The following KCNAB1 variants were observed in gnomAD, a reference collection of about 807,000 sequenced individuals.
KCNAB1 encodes the protein voltage-gated potassium channel subunit beta-1.
A neutral mutation model predicts 64.6 loss-of-function variants in KCNAB1; 35 were observed. The ratio of observed to expected loss-of-function variants is 0.54; its 90% CI spans 0.41 to 0.72. The LOEUF (loss-of-function observed/expected upper bound fraction) is 0.72. Ranked by LOEUF, KCNAB1 falls within the 30% of genes least tolerant of loss-of-function variation. The pLI is 0.00. For synonymous variants in KCNAB1, 177 were observed against 183.8 expected (o/e 0.96, Z 0.30); for missense variants, 401 against 512.9 (o/e 0.78, Z 2.11).
At chr3:156,499,987 C>G (rs2108365118) in intron 8 of KCNAB1, among the ~76,000 whole-genome samples, 1 of 152,304 alleles carries the variant, frequency 6.6e-6, no homozygotes, top group South Asian at 2.1e-4. Context: ...GGGGGTGACT[C>G]TTTTCCAAGA....
intron 1 of KCNAB1, among the ~76,000 whole-genome samples, chr3:156,354,754 A>G (rs1026234359): frequency 6.6e-6 from 1 of 151,680 alleles, no homozygotes; most frequent in African/African-American, 2.4e-5. Context: ...AAAGAAAGAA[A>G]GAGACCAGTG....
chr3:156,271,704 A>G (rs1226881621), intron 1 of KCNAB1, among the ~76,000 whole-genome samples: 1 of 152,144 alleles, frequency 6.6e-6, no homozygotes, highest in African/African-American at 2.4e-5. Context: ...TGCCTTGTTT[A>G]GTTCATTTGG....
intron 1 of KCNAB1, among the ~76,000 whole-genome samples, chr3:156,392,240 ATT>A (rs1713096979): frequency 6.6e-6 from 1 of 152,204 alleles, no homozygotes. Context: ...CCTTTCCCTT[ATT>A]CACTGCTGTA....
chr3:156,200,033 T>A (rs928252410), intron 1 of KCNAB1, among the ~76,000 whole-genome samples: 4 of 152,196 alleles, frequency 2.6e-5, no homozygotes, highest in African/African-American at 9.6e-5. Flanking sequence ...TTGATGCTGA[T>A]GTTATTGCTT....
At chr3:156,463,565 C>A (rs906918335) in intron 5 of KCNAB1, 137 bp from the exon 6 acceptor site, 7 of 706,720 alleles carry the variant, frequency 9.9e-6, no homozygotes, top group Non-Finnish European at 1.4e-5. Flanking sequence ...GATGGATTAA[C>A]AAATTTACCT....
At chr3:156,318,618 G>C (rs1472573686) in intron 1 of KCNAB1, among the ~76,000 whole-genome samples, 3 of 152,188 alleles carry the variant, frequency 2.0e-5, no homozygotes, top group Non-Finnish European at 4.4e-5. Context: ...CACACAGTAA[G>C]CTCTCAAAAA....
chr3:156,206,067 C>T (rs1235149929), intron 1 of KCNAB1, among the ~76,000 whole-genome samples: 1 of 152,218 alleles, frequency 6.6e-6, no homozygotes, highest in Non-Finnish European at 1.5e-5. Context: ...AAAACATCAC[C>T]AAGCCCATTT....
chr3:156,294,185 C>A (rs529139523), intron 1 of KCNAB1, among the ~76,000 whole-genome samples: 23 of 152,334 alleles, frequency 1.5e-4, no homozygotes, highest in Non-Finnish European at 2.9e-4. Context: ...TTCCCAAAAG[C>A]TCAGAGTGTG....
intron 2 of KCNAB1, among the ~76,000 whole-genome samples, chr3:156,436,714 CT>C (rs1413818260): frequency 6.6e-6 from 1 of 152,174 alleles, no homozygotes; most frequent in Non-Finnish European, 1.5e-5. Context: ...TAAATGTCTT[CT>C]TTTGAGAAGT....
intron 1 of KCNAB1, among the ~76,000 whole-genome samples, chr3:156,351,744 A>G (rs3755628): frequency 0.31 from 46,514 of 151,998 alleles, 9,965 homozygotes; most frequent in African/African-American, 0.61. Flanking sequence ...TTACTTCTGG[A>G]TTTACTTTTA....
At chr3:156,535,256 G>A (rs1718974679) in intron 13 of KCNAB1, among the ~76,000 whole-genome samples, 1 of 152,140 alleles carries the variant, frequency 6.6e-6, no homozygotes, top group Non-Finnish European at 1.5e-5. Context: ...AGGTCACCTT[G>A]GCCAGCAGGA....
chr3:156,332,296 A>G (rs183060123), intron 1 of KCNAB1, among the ~76,000 whole-genome samples: 2 of 152,180 alleles, frequency 1.3e-5, no homozygotes, highest in Non-Finnish European at 2.9e-5. Flanking sequence ...TGATGCCCAG[A>G]TTTTCTTGCT....
At chr3:156,510,258 T>G (rs969413225) in intron 8 of KCNAB1, among the ~76,000 whole-genome samples, 1 of 152,220 alleles carries the variant, frequency 6.6e-6, no homozygotes, top group Non-Finnish European at 1.5e-5. Context: ...GCTACACATC[T>G]CATGCCTCCT....
chr3:156,245,159 T>A (rs1427074653), intron 1 of KCNAB1, among the ~76,000 whole-genome samples: 2 of 152,246 alleles, frequency 1.3e-5, no homozygotes, highest in African/African-American at 4.8e-5. Flanking sequence ...GCTTCTCAAC[T>A]GTCCTTCCTG....
At chr3:156,196,655 A>G (rs1033566392) in intron 1 of KCNAB1, among the ~76,000 whole-genome samples, 1 of 152,078 alleles carries the variant, frequency 6.6e-6, no homozygotes, top group Non-Finnish European at 1.5e-5. Flanking sequence ...TTGCACATTG[A>G]TTTTGTATCC....
chr3:156,233,080 C>T (rs1318548842), intron 1 of KCNAB1, among the ~76,000 whole-genome samples: 2 of 152,118 alleles, frequency 1.3e-5, no homozygotes, highest in South Asian at 2.1e-4. Context: ...AATAGTTCTG[C>T]ACTGAAATCT....
At chr3:156,141,748 G>A (rs1244388974) in intron 1 of KCNAB1, among the ~76,000 whole-genome samples, 2 of 152,118 alleles carry the variant, frequency 1.3e-5, no homozygotes, top group Non-Finnish European at 1.5e-5. Flanking sequence ...GTTTTCATGT[G>A]AACATAAGTT....
chr3:156,415,983 C>T (rs1319805013), intron 1 of KCNAB1, among the ~76,000 whole-genome samples: 2 of 152,174 alleles, frequency 1.3e-5, no homozygotes, highest in East Asian at 3.9e-4. Context: ...GAAAAGCACC[C>T]CTCTTCACCC....
At chr3:156,196,605 C>T (rs909057035) in intron 1 of KCNAB1, among the ~76,000 whole-genome samples, 28 of 152,220 alleles carry the variant, frequency 1.8e-4, no homozygotes, top group African/African-American at 6.5e-4. Flanking sequence ...ATTTGGCTCT[C>T]TGCTTGTCTA....
Sources: allele counts gnomAD v4.1 joint callset (sites outside exome capture counted in the v4.1 genomes callset), GRCh38; gene constraint gnomAD v4.1.1; transcripts MANE v1.5; gene names NCBI Gene and HGNC (gene_info 2026-07-23, HGNC 2026-07-21).